NPEPPS: variants seen among roughly 807,000 people sequenced by gnomAD.
NPEPPS encodes aminopeptidase puromycin sensitive, also known as puromycin-sensitive aminopeptidase.
Under a neutral mutation model 115.5 loss-of-function variants are expected in NPEPPS, and 14 were observed. The observed-to-expected ratio is 0.12, with a 90% CI of 0.08 to 0.19. NPEPPS has a LOEUF of 0.19. Ranked by LOEUF, NPEPPS falls within the 10% of genes least tolerant of loss-of-function variation. The pLI is 1.00. For missense variants in NPEPPS, 523 were observed against 1,110.8 expected, an observed-to-expected ratio of 0.47 and a Z score of 7.52; for synonymous variants, 285 against 390.6, an observed-to-expected ratio of 0.73 and a Z score of 3.19.
chr17:47,535,540 G>C (rs35794672), intron 1 of NPEPPS, among the ~76,000 whole-genome samples: 1 of 140,772 alleles, frequency 7.1e-6, no homozygotes. Context: ...ACAGAGCGAG[G>C]CTCCGTCTCA....
intron 1 of NPEPPS, among the ~76,000 whole-genome samples, chr17:47,537,752 A>C (rs1208118387): frequency 6.6e-6 from 1 of 151,598 alleles, no homozygotes; most frequent in Non-Finnish European, 1.5e-5. Context: ...TCTAAAATAC[A>C]TTATCTTTTT....
At chr17:47,587,198 A>G in intron 8 of NPEPPS, 32 bp from the exon 9 acceptor site, 2 of 1,526,094 alleles carry the variant, frequency 1.3e-6, no homozygotes, top group Non-Finnish European at 1.8e-6. Context: ...TTATTGTTTA[A>G]ATTTGTTTCT....
intron 3 of NPEPPS, among the ~76,000 whole-genome samples, chr17:47,574,064 G>A (rs1333740226): frequency 6.6e-6 from 1 of 151,966 alleles, no homozygotes; most frequent in African/African-American, 2.4e-5. Context: ...AAAATATTTA[G>A]AACTGAATAA....
intron 3 of NPEPPS, among the ~76,000 whole-genome samples, chr17:47,571,850 A>G (rs542554772): frequency 6.5e-4 from 99 of 152,206 alleles, no homozygotes; most frequent in Non-Finnish European, 1.2e-3. Context: ...AAATATTCCT[A>G]TGTATATATA....
At chr17:47,614,220 C>T (rs552573170) in intron 19 of NPEPPS, among the ~76,000 whole-genome samples, 1 of 152,168 alleles carries the variant, frequency 6.6e-6, no homozygotes, top group Non-Finnish European at 1.5e-5. Context: ...ACACCCACCT[C>T]AGCCTCCCAA....
chr17:47,532,090 G>A (rs555000613), intron 1 of NPEPPS, among the ~76,000 whole-genome samples: 2 of 152,106 alleles, frequency 1.3e-5, no homozygotes, highest in Non-Finnish European at 2.9e-5. Flanking sequence ...TCTAGAAGGG[G>A]GGGGAGAGGG....
intron 2 of NPEPPS, among the ~76,000 whole-genome samples, chr17:47,560,442 A>G (rs1910354559): frequency 6.6e-6 from 1 of 152,234 alleles, no homozygotes; most frequent in African/African-American, 2.4e-5. Flanking sequence ...CTAATAAGAT[A>G]GGACCATCAC....
intron 9 of NPEPPS, 26 bp from the exon 10 acceptor site, chr17:47,590,691 T>C: frequency 6.2e-7 from 1 of 1,604,146 alleles, no homozygotes; most frequent in Admixed American, 1.7e-5. Context: ...TCATTTTCTT[T>C]AAGTATTTTC....
At position 47,612,457 on chromosome 17, in the gene NPEPPS, C is replaced by T. The variant is rs199797533; in HGVS notation, c.2096-3C>T. 1.2e-6 allele frequency: 2 copies of T among 1,613,494 alleles called. No homozygotes were observed. Among genetic ancestry groups the T allele is most frequent in the Non-Finnish European group, 1.7e-6 (2 of 1,179,726 alleles). On this transcript the variant is annotated splice_polypyrimidine_tract_variant and splice_region_variant and intron_variant, in intron 17 of 22. Transcript: ENST00000322157. The stretch of plus-strand genomic sequence containing the variant: ...CTTATGTCTCTTTTACTTCTCAAAT[C>T]AGGTCATCTCGATGCACTCCTGAGG...
rs750668801 is a variant in NPEPPS, at chr17:47,618,445, G to A, written c.2391G>A (p.Thr797=). 8 of 1,611,902 alleles carry A rather than the reference G, an allele frequency of 5.0e-6. No homozygotes were observed. In the East Asian group the frequency reaches 1.3e-4, roughly 27 times the overall value. ...LLPDLIQKVL[T]FALSEEVRPQ... is the part of the protein sequence containing the mutation. ...CTGACCTGATTCAAAAAGTCCTCAC[G>A]TTTGCACTTTCAGTAAGTTACGGTG... The change falls in exon 20 of 23, where the codon ACG becomes ACA. Residue 797 remains threonine (T), a synonymous_variant. Coordinates refer to ENST00000322157, the MANE Select transcript of NPEPPS (RefSeq NM_006310.4).
upstream of NPEPPS, among the ~76,000 whole-genome samples, chr17:47,527,988 T>G (rs998819172): frequency 6.6e-6 from 1 of 151,234 alleles, no homozygotes; most frequent in Non-Finnish European, 1.5e-5. Flanking sequence ...CGAAAAACAT[T>G]CAATTACAGT....
intron 12 of NPEPPS, among the ~76,000 whole-genome samples, chr17:47,593,983 C>G (rs189356013): frequency 1.3e-5 from 2 of 152,086 alleles, no homozygotes; most frequent in Admixed American, 1.3e-4. Context: ...GCCAAAACCT[C>G]GCTTCTATAA....
At chr17:47,568,920 G>T (rs1911013661) in intron 2 of NPEPPS, among the ~76,000 whole-genome samples, 1 of 151,756 alleles carries the variant, frequency 6.6e-6, no homozygotes, top group Non-Finnish European at 1.5e-5. Context: ...CTCCCAAAGT[G>T]CTGGGATTAC....
At chr17:47,530,134 G>C (rs1437621167), upstream of NPEPPS, among the ~76,000 whole-genome samples, 1 of 132,398 alleles carries the variant, frequency 7.6e-6, no homozygotes. Flanking sequence ...TAGTAGAGAC[G>C]GGGTTTCACC....
intron 2 of NPEPPS, among the ~76,000 whole-genome samples, chr17:47,566,169 T>A (rs566342662): frequency 2.0e-5 from 3 of 152,180 alleles, no homozygotes; most frequent in South Asian, 2.1e-4. Context: ...AATTTTTTTT[T>A]ATTTTTCCTG....
intron 2 of NPEPPS, among the ~76,000 whole-genome samples, chr17:47,564,798 A>T (rs1372986740): frequency 6.6e-6 from 1 of 152,028 alleles, no homozygotes. Flanking sequence ...TAACAGTTCC[A>T]GAGCAAATAT....
intron 2 of NPEPPS, among the ~76,000 whole-genome samples, chr17:47,564,229 TTTAA>T (rs1260789732): frequency 6.6e-6 from 1 of 152,104 alleles, no homozygotes; most frequent in African/African-American, 2.4e-5. Flanking sequence ...GCCCTCAATC[TTTAA>T]TTAAGAAGCA....
intron 2 of NPEPPS, among the ~76,000 whole-genome samples, 197 bp downstream of exon 2, chr17:47,546,190 G>C (rs1909202293): frequency 6.6e-6 from 1 of 152,074 alleles, no homozygotes; most frequent in South Asian, 2.1e-4. Flanking sequence ...ACTTTGGGAG[G>C]CTGAGGCGAG....
At chr17:47,596,493 A>G (rs1266625291) in intron 13 of NPEPPS, 31 bp downstream of exon 13, 1 of 1,407,742 alleles carries the variant, frequency 7.1e-7, no homozygotes, top group African/African-American at 1.4e-5. Flanking sequence ...CATTTGTCTG[A>G]TATTGTATTA....
Sources: allele counts gnomAD v4.1 joint callset (sites outside exome capture counted in the v4.1 genomes callset), GRCh38; gene constraint gnomAD v4.1.1; transcripts MANE v1.5; gene names NCBI Gene and HGNC (gene_info 2026-07-23, HGNC 2026-07-21).